WDR41: variants seen among roughly 807,000 people sequenced by gnomAD.
WDR41 encodes the protein WD repeat-containing protein 41.
WDR41 carries 63 observed loss-of-function variants against 69.3 expected under a neutral mutation model. The observed-to-expected ratio is 0.91, with a 90% CI of 0.74 to 1.12. The LOEUF (loss-of-function observed/expected upper bound fraction) is 1.12, where lower values mean the gene tolerates loss of function less well. Ranked by LOEUF, WDR41 falls within the 50% of genes most tolerant of loss-of-function variation. The pLI, the probability that WDR41 is intolerant of heterozygous loss-of-function variation, is 0.00. For synonymous variants in WDR41, 185 were observed against 192.1 expected (o/e 0.96, Z 0.31); for missense variants, 543 against 534.5 (o/e 1.02, Z -0.16).
At chr5:77,436,474 G>A (rs1798939902) in intron 11 of WDR41, 80 bp from the exon 12 acceptor site, 1 of 1,557,106 alleles carries the variant, frequency 6.4e-7, no homozygotes, top group Non-Finnish European at 8.7e-7. Context: ...ATTTAAATGT[G>A]AAGAGGTTCC....
At chr5:77,577,938 A>G (rs1318723093) in intron 1 of WDR41, among the ~76,000 whole-genome samples, 1 of 152,236 alleles carries the variant, frequency 6.6e-6, no homozygotes, top group Non-Finnish European at 1.5e-5. Flanking sequence ...GCTAGGCAAA[A>G]TCATTTAACA....
chr5:77,504,949 C>T (rs538230656), intron 1 of WDR41, among the ~76,000 whole-genome samples: 1 of 152,284 alleles, frequency 6.6e-6, no homozygotes, highest in Admixed American at 6.5e-5. Context: ...GAAGCATTCC[C>T]TTTGAAAACC....
intron 1 of WDR41, among the ~76,000 whole-genome samples, chr5:77,491,038 C>T (rs1226337052): frequency 6.6e-6 from 1 of 152,224 alleles, no homozygotes; most frequent in Non-Finnish European, 1.5e-5. Context: ...CAAGCTAAGC[C>T]ATCGCATCCC....
Position 77,441,404 on chromosome 5 carries a change from G to A in WDR41, c.698-407C>T, listed in dbSNP as rs1408326868. ...ATGTGGAGTGGTAAAGGGCTCTAAC[G>A]GAAGCAGAGTGGGGTGCCAGGGGAA... On this transcript the variant is annotated intron_variant, in intron 8 of 12. Coordinates refer to ENST00000296679, the MANE Select transcript of WDR41 (RefSeq NM_018268.4). Among the ~76,000 whole-genome samples the A allele has an allele frequency of 2.6e-5, 4 of 152,232 alleles. No homozygotes were observed. In the East Asian group the frequency reaches 5.8e-4, roughly 22 times the overall value.
intron 1 of WDR41, among the ~76,000 whole-genome samples, chr5:77,510,844 T>C (rs1488029864): frequency 6.9e-6 from 1 of 144,636 alleles, no homozygotes; most frequent in African/African-American, 2.6e-5. Context: ...TGATCTCGGC[T>C]CACTGCAACC....
chr5:77,558,375 C>T (rs1743452995), intron 1 of WDR41, among the ~76,000 whole-genome samples: 1 of 152,108 alleles, frequency 6.6e-6, no homozygotes, highest in Non-Finnish European at 1.5e-5. Flanking sequence ...ATGTGCCAGG[C>T]AACAGCAGAC....
chr5:77,474,080 A>G (rs1293562414), intron 2 of WDR41, among the ~76,000 whole-genome samples: 1 of 152,232 alleles, frequency 6.6e-6, no homozygotes, highest in Non-Finnish European at 1.5e-5. Flanking sequence ...TGTGGCACAT[A>G]TACACCATGG....
intron 1 of WDR41, among the ~76,000 whole-genome samples, chr5:77,597,140 GA>G (rs1038542079): frequency 1.3e-5 from 2 of 151,120 alleles, no homozygotes; most frequent in African/African-American, 4.9e-5. Flanking sequence ...AGAAGAAAAA[GA>G]AAAAAAAGAC....
At chr5:77,474,967 C>T (rs1800835828) in intron 2 of WDR41, among the ~76,000 whole-genome samples, 3 of 152,152 alleles carry the variant, frequency 2.0e-5, no homozygotes, top group South Asian at 4.1e-4. Flanking sequence ...GTGCACCGTG[C>T]GCGAGCCGAA....
chr5:77,456,520 G>A (rs1799838633), intron 5 of WDR41, among the ~76,000 whole-genome samples: 1 of 152,008 alleles, frequency 6.6e-6, no homozygotes, highest in Non-Finnish European at 1.5e-5. Context: ...ATGTTATTTG[G>A]GAATAGAGAC....
At chr5:77,614,225 G>T (rs1296023512) in intron 1 of WDR41, among the ~76,000 whole-genome samples, 1 of 141,932 alleles carries the variant, frequency 7.0e-6, no homozygotes, top group African/African-American at 2.5e-5. Context: ...AACCATTGTG[G>T]AAGTCAGTGT....
intron 1 of WDR41, among the ~76,000 whole-genome samples, chr5:77,583,597 C>T (rs922735081): frequency 5.3e-5 from 8 of 152,002 alleles, no homozygotes; most frequent in Admixed American, 4.6e-4. Context: ...ATATATACTC[C>T]TATTATATAT....
At chr5:77,591,922 TA>T (rs1433137619) in intron 1 of WDR41, among the ~76,000 whole-genome samples, 5 of 152,176 alleles carry the variant, frequency 3.3e-5, no homozygotes, top group Non-Finnish European at 5.9e-5. Context: ...AAATCTTTTA[TA>T]TTTCTACTTA....
At chr5:77,501,352 T>C (rs1581775558) in intron 1 of WDR41, among the ~76,000 whole-genome samples, 1 of 152,100 alleles carries the variant, frequency 6.6e-6, no homozygotes, top group East Asian at 1.9e-4. Flanking sequence ...GAGGCTTGAG[T>C]AGGTAAACAA....
intron 1 of WDR41, among the ~76,000 whole-genome samples, chr5:77,527,776 A>G (rs1802470589): frequency 6.6e-6 from 1 of 151,876 alleles, no homozygotes; most frequent in African/African-American, 2.4e-5. Context: ...CTAAATGTCA[A>G]TATTTTTTAA....
chr5:77,594,370 A>T (rs1008839789), intron 1 of WDR41, among the ~76,000 whole-genome samples: 8 of 152,110 alleles, frequency 5.3e-5, no homozygotes, highest in Non-Finnish European at 8.8e-5. Flanking sequence ...CATATGTAAC[A>T]AACCTGCACA....
intron 1 of WDR41, among the ~76,000 whole-genome samples, chr5:77,564,741 G>A (rs1257812136): frequency 2.0e-5 from 3 of 152,042 alleles, no homozygotes; most frequent in Non-Finnish European, 4.4e-5. Context: ...CTTATCTCCA[G>A]TCCTGACCTT....
chr5:77,544,170 C>T (rs182181275), intron 1 of WDR41, among the ~76,000 whole-genome samples: 1 of 152,156 alleles, frequency 6.6e-6, no homozygotes, highest in Non-Finnish European at 1.5e-5. Flanking sequence ...GAAACAAATC[C>T]TGGAAACACA....
rs191161869 is a variant in WDR41, at chr5:77,497,477, G to T, written c.43-7905C>A. ...TTTCTCCAAGGAAGGTATATGAATG[G>T]TCATTAAGCACCTGAAAAGAAGCTC... On this transcript the variant is annotated intron_variant, in intron 1 of 5. Transcript: ENST00000509971. 1.6e-3 allele frequency among the ~76,000 whole-genome samples: 241 copies of T among 152,210 alleles called. 1 individual carries two copies. The highest frequency in any genetic ancestry group is 5.2e-3 in the African/African-American group (218 of 41,526).
Sources: allele counts gnomAD v4.1 joint callset (sites outside exome capture counted in the v4.1 genomes callset), GRCh38; gene constraint gnomAD v4.1.1; transcripts MANE v1.5; gene names NCBI Gene and HGNC (gene_info 2026-07-23, HGNC 2026-07-21).